MAP2K5: variants seen among roughly 807,000 people sequenced by gnomAD.
MAP2K5 encodes dual specificity mitogen-activated protein kinase kinase 5.
In MAP2K5, 49 loss-of-function variants were observed where a neutral mutation model predicts 83.1. The observed-to-expected ratio is 0.59, with a 90% CI of 0.47 to 0.75. The LOEUF is 0.75. Ranked by LOEUF, MAP2K5 falls within the 30% of genes least tolerant of loss-of-function variation. The pLI is 0.00. For missense variants in MAP2K5, 457 were observed against 557.5 expected (o/e 0.82, Z 1.82); for synonymous variants, 202 against 191.8 (o/e 1.05, Z -0.44).
Position 67,793,598 on chromosome 15 carries a change from G to T in MAP2K5, c.1243-13048G>T, listed in dbSNP as rs1460106043. 6.6e-6 allele frequency among the ~76,000 whole-genome samples: 1 copy of T among 152,190 alleles called. No homozygotes were observed. The highest frequency in any genetic ancestry group is 1.5e-5 in the Non-Finnish European group (1 of 68,026). ...TACAAGAAAGCTGGCTTAAGGAAAA[G>T]CTTGAGGCACTACCTAAAATTAAAA... On this transcript the variant is annotated intron_variant, in intron 21 of 21. Coordinates refer to ENST00000178640, the MANE Select transcript of MAP2K5 (RefSeq NM_145160.3). This position sits in a 1 kb window ranked among gnomAD's most constrained non-coding sequence, Gnocchi z 4.6.
rs1449490634 is a variant in MAP2K5, at chr15:67,748,807, C to A, written c.1134+206C>A. 6.6e-6 allele frequency among the ~76,000 whole-genome samples: 1 copy of A among 152,204 alleles called. No homozygotes were observed. The highest frequency in any genetic ancestry group is 1.5e-5 in the Non-Finnish European group (1 of 68,044). On this transcript the variant is annotated intron_variant, in intron 19 of 21. Coordinates refer to ENST00000178640, the MANE Select transcript of MAP2K5 (RefSeq NM_145160.3). This position sits in a 1 kb window ranked among gnomAD's most constrained non-coding sequence, Gnocchi z 4.0. ...AAGAAACCCTGCAAAAACAGACTAT[C>A]CCGCAGGCTGGTCCTCAGGGGCATC...
In MAP2K5 at chr15:67,738,130, G is replaced by A. The variant is rs930595868; in HGVS notation, c.1075-10101G>A. ...GCCTCCCAGAGTACTGGGATTACAGGCGTGAGCCACTGCACTTGGCCTAGA... is the reference window on the plus strand; with the variant it reads ...GCCTCCCAGAGTACTGGGATTACAGACGTGAGCCACTGCACTTGGCCTAGA... On this transcript the variant is annotated intron_variant, in intron 17 of 21. Transcript: ENST00000178640. This position sits in a 1 kb window ranked among gnomAD's most constrained non-coding sequence, Gnocchi z 4.1. Among the ~76,000 whole-genome samples, 4 of 152,150 alleles carry A rather than the reference G, an allele frequency of 2.6e-5. No individual in the cohort carries two copies. Among genetic ancestry groups the A allele is most frequent in the African/African-American group, 9.7e-5 (4 of 41,446 alleles).
chr15:67,543,153 G>A lies in MAP2K5; in HGVS notation c.-183G>A, dbSNP rs1596536820. ...CTCAGACCCCCGACAGCCTGGGCAG[G>A]CTCGGTGCCTGCGGGTGCGTTCCTG... On this transcript the variant is annotated 5_prime_UTR_variant, in exon 1 of 22. Transcript: ENST00000178640. The surrounding 1 kb of genome is among the most constrained non-coding windows in gnomAD (Gnocchi z 4.3). 2 of 625,954 alleles carry A rather than the reference G, an allele frequency of 3.2e-6. No homozygotes were observed. The highest frequency in any genetic ancestry group is 1.8e-5 in the African/African-American group (1 of 54,402). 38.8% of individuals were successfully genotyped at this position (625,954 alleles called of 1,614,324 possible).
chr15:67,639,851 G>A (rs556052042), intron 9 of MAP2K5, among the ~76,000 whole-genome samples: 16 of 152,206 alleles, frequency 1.1e-4, no homozygotes, highest in East Asian at 1.9e-4. Flanking sequence ...GCTTTCACCC[G>A]TTATCTCTAC....
chr15:67,799,834 C>T (rs2090669844), intron 21 of MAP2K5, among the ~76,000 whole-genome samples: 2 of 152,332 alleles, frequency 1.3e-5, no homozygotes, highest in South Asian at 2.1e-4. Context: ...GAGGCCCCCT[C>T]CACTCTTTGG....
chr15:67,714,178 T>C (rs1213969813), intron 16 of MAP2K5, among the ~76,000 whole-genome samples: 4 of 152,154 alleles, frequency 2.6e-5, no homozygotes, highest in East Asian at 1.9e-4. Flanking sequence ...TAAACACTTA[T>C]GTTTTTTGAA....
intron 8 of MAP2K5, among the ~76,000 whole-genome samples, chr15:67,615,244 C>T (rs573595207): frequency 3.0e-4 from 46 of 152,092 alleles, no homozygotes; most frequent in African/African-American, 9.2e-4. Context: ...GTAATCTGCC[C>T]GCATCGGCCT....
At chr15:67,686,847 G>C (rs1270018703) in intron 13 of MAP2K5, among the ~76,000 whole-genome samples, 1 of 152,104 alleles carries the variant, frequency 6.6e-6, no homozygotes, top group Non-Finnish European at 1.5e-5. Context: ...CTAAACCTGG[G>C]GGTAGGAGGG....
At chr15:67,551,530 G>C (rs948505730) in intron 2 of MAP2K5, among the ~76,000 whole-genome samples, 1 of 152,072 alleles carries the variant, frequency 6.6e-6, no homozygotes, top group African/African-American at 2.4e-5. Context: ...ATGGGGTCTT[G>C]CTATGTTGTC....
chr15:67,600,248 G>A (rs1333386675), intron 7 of MAP2K5, among the ~76,000 whole-genome samples: 3 of 152,150 alleles, frequency 2.0e-5, no homozygotes, highest in Non-Finnish European at 2.9e-5. Context: ...GTCATCTGAG[G>A]AGTTTTCTAG....
Position 67,579,698 on chromosome 15 carries a change from G to GA in MAP2K5, c.253-1046dup, listed in dbSNP as rs751476091. Among the ~76,000 whole-genome samples the GA allele has an allele frequency of 3.1e-3, 439 of 142,058 alleles. 1 individual carries two copies. Among genetic ancestry groups the GA allele is most frequent in the African/African-American group, 3.9e-3 (151 of 38,354 alleles). 93.2% of individuals were successfully genotyped at this position (142,058 alleles called of 152,430 possible). On this transcript the variant is annotated intron_variant, in intron 3 of 21. Coordinates refer to ENST00000178640, the MANE Select transcript of MAP2K5 (RefSeq NM_145160.3). ...TATAGCTCCCCTTTATTTTCAAGAG[G>GA]AAAAAAAAAACCCTTGCTCTTGTAA...
intron 13 of MAP2K5, among the ~76,000 whole-genome samples, chr15:67,682,010 T>G (rs551578198): frequency 6.6e-6 from 1 of 152,346 alleles, no homozygotes; most frequent in African/African-American, 2.4e-5. Context: ...AGAAAGGCTG[T>G]GATGTTTTTA....
chr15:67,806,101 A>G (rs542759906), intron 21 of MAP2K5, among the ~76,000 whole-genome samples: 3 of 152,204 alleles, frequency 2.0e-5, no homozygotes, highest in East Asian at 3.9e-4. Flanking sequence ...AGCCCAGCAC[A>G]TTCCTCCCCC....
rs2090286777 is a variant in MAP2K5, at chr15:67,779,251, T to C, written c.1242+6499T>C. Among the ~76,000 whole-genome samples, 1 of 152,054 alleles carries C rather than the reference T, an allele frequency of 6.6e-6. No homozygotes were observed. The highest frequency in any genetic ancestry group is 2.4e-5 in the African/African-American group (1 of 41,454). ...CTGAAGGCCATTAAAATCATCTGTTTGTGTCTGCTTATAAAGAGGAACCCA... is the reference window on the plus strand; with the variant it reads ...CTGAAGGCCATTAAAATCATCTGTTCGTGTCTGCTTATAAAGAGGAACCCA... On this transcript the variant is annotated intron_variant, in intron 21 of 21. Coordinates refer to ENST00000178640, the MANE Select transcript of MAP2K5 (RefSeq NM_145160.3). The surrounding 1 kb of genome is among the most constrained non-coding windows in gnomAD (Gnocchi z 4.6).
rs375064916 is a variant in MAP2K5, at chr15:67,677,924, T to C, written c.847+13279T>C. Among the ~76,000 whole-genome samples, 104 of 152,356 alleles carry C rather than the reference T, an allele frequency of 6.8e-4. No individual in the cohort carries two copies. Among genetic ancestry groups the C allele is most frequent in the African/African-American group, 2.5e-3 (103 of 41,580 alleles). On this transcript the variant is annotated intron_variant, in intron 13 of 21. Coordinates refer to ENST00000178640, the MANE Select transcript of MAP2K5 (RefSeq NM_145160.3). The surrounding 1 kb of genome is among the most constrained non-coding windows in gnomAD (Gnocchi z 4.2). ...AACCGAATCATGAGACTCCAGGCAA[T>C]AACTGCCATTGAGGATGGCTAATTA...
Position 67,690,944 on chromosome 15 carries a change from A to G in MAP2K5, c.848-1535A>G, listed in dbSNP as rs989869643. Among the ~76,000 whole-genome samples, 2 of 152,168 alleles carry G rather than the reference A, an allele frequency of 1.3e-5. No individual in the cohort carries two copies. Among genetic ancestry groups the G allele is most frequent in the Non-Finnish European group, 2.9e-5 (2 of 68,048 alleles). On this transcript the variant is annotated intron_variant, in intron 13 of 21. Coordinates refer to ENST00000178640, the MANE Select transcript of MAP2K5 (RefSeq NM_145160.3). The surrounding 1 kb of genome is among the most constrained non-coding windows in gnomAD (Gnocchi z 4.3). ...GTTTTAAGTATGCTCCTACCCTGTG[A>G]ACTTATTTATTTCTTGGGGCGATGA... is the stretch of plus-strand genomic sequence containing the variant.
chr15:67,800,108 A>G (rs1387008908), intron 21 of MAP2K5, among the ~76,000 whole-genome samples: 1 of 152,188 alleles, frequency 6.6e-6, no homozygotes, highest in Non-Finnish European at 1.5e-5. Context: ...TCATGTAATT[A>G]ATATTATCAG....
At position 67,782,699 on chromosome 15, in the gene MAP2K5, C is replaced by CT. The variant is rs1218755811; in HGVS notation, c.1242+9956dup. ...TTTCTAATTTTTAAATTAAACATGA[C>CT]TTTTTTTTTAAGCCACAGCTTTGCC... On this transcript the variant is annotated intron_variant, in intron 21 of 21. Transcript: ENST00000178640. This position sits in a 1 kb window ranked among gnomAD's most constrained non-coding sequence, Gnocchi z 4.9. Among the ~76,000 whole-genome samples the CT allele has an allele frequency of 2.6e-5, 4 of 151,762 alleles. No homozygotes were observed. The highest frequency in any genetic ancestry group is 1.9e-4 in the East Asian group (1 of 5,168).
At position 67,552,834 on chromosome 15, in the gene MAP2K5, G is replaced by A. The variant is rs1476355011; in HGVS notation, c.184+2752G>A. ...TCTCTCAGCTGTTAAGTGGTAAAGT[G>A]GAATTTCTGGAGTAGTTTCCAGAGT... is the stretch of plus-strand genomic sequence containing the variant. On this transcript the variant is annotated intron_variant, in intron 2 of 21. Coordinates refer to ENST00000178640, the MANE Select transcript of MAP2K5 (RefSeq NM_145160.3). The surrounding 1 kb of genome is among the most constrained non-coding windows in gnomAD (Gnocchi z 4.2). 2.0e-5 allele frequency among the ~76,000 whole-genome samples: 3 copies of A among 152,134 alleles called. No homozygotes were observed. The highest frequency in any genetic ancestry group is 2.4e-5 in the African/African-American group (1 of 41,428).
Sources: allele counts gnomAD v4.1 joint callset (sites outside exome capture counted in the v4.1 genomes callset), GRCh38; gene constraint gnomAD v4.1.1; non-coding constraint Gnocchi (gnomAD v3.1); transcripts MANE v1.5; gene names NCBI Gene and HGNC (gene_info 2026-07-23, HGNC 2026-07-21).